ZRANB3: variants seen among roughly 807,000 people sequenced by gnomAD.
ZRANB3 encodes DNA annealing helicase and endonuclease ZRANB3.
In ZRANB3, 125 loss-of-function variants were observed where a neutral mutation model predicts 133.8. The ratio of observed to expected loss-of-function variants is 0.93; its 90% confidence interval spans 0.81 to 1.08. The LOEUF is 1.08. ZRANB3 is among the 50% of genes least tolerant of loss of function. The pLI is 0.00. For synonymous variants in ZRANB3, 387 were observed against 432.7 expected, an observed-to-expected ratio of 0.89 and a Z score of 1.31; for missense variants, 1,229 against 1,275.5, an observed-to-expected ratio of 0.96 and a Z score of 0.56.
chr2:135,530,638 G>A (rs1196774026), intron 1 of ZRANB3: 1 of 152,158 alleles, frequency 6.6e-6, no homozygotes, highest in Non-Finnish European at 1.5e-5. Flanking sequence ...GTTTAAATAC[G>A]TACTAATAAT....
At chr2:135,424,299 A>G (rs1407384338) in intron 2 of ZRANB3, among the ~76,000 whole-genome samples, 2 of 152,196 alleles carry the variant, frequency 1.3e-5, no homozygotes, top group African/African-American at 4.8e-5. Flanking sequence ...CAGAGCAAAA[A>G]GATGAGCTCA....
At chr2:135,202,585 T>C in intron 20 of ZRANB3, 1 of 343,192 alleles carries the variant, frequency 2.9e-6, no homozygotes, top group Non-Finnish European at 5.4e-6. Context: ...TAAACTGTAT[T>C]CATTTCTTTC....
At chr2:135,528,623 T>C (rs781165763) in intron 1 of ZRANB3, among the ~76,000 whole-genome samples, 7 of 152,074 alleles carry the variant, frequency 4.6e-5, no homozygotes, top group Non-Finnish European at 1.0e-4. Flanking sequence ...AGATTTACAC[T>C]GGAAGAACTC....
At chr2:135,327,007 A>G (rs1210809783) in intron 6 of ZRANB3, among the ~76,000 whole-genome samples, 1 of 152,044 alleles carries the variant, frequency 6.6e-6, no homozygotes, top group East Asian at 1.9e-4. Context: ...TCAAAATAAT[A>G]TGGAGTAGAA....
intron 2 of ZRANB3, among the ~76,000 whole-genome samples, chr2:135,491,553 G>A (rs1398648652): frequency 2.7e-5 from 4 of 150,306 alleles, no homozygotes; most frequent in African/African-American, 9.8e-5. Flanking sequence ...TCACTCTGTT[G>A]CCCAGGCTGG....
At chr2:135,320,168 G>A (rs978737289) in intron 6 of ZRANB3, among the ~76,000 whole-genome samples, 6 of 152,186 alleles carry the variant, frequency 3.9e-5, no homozygotes, top group African/African-American at 1.4e-4. Flanking sequence ...AGCGACCTGA[G>A]TAGCTGGGAC....
intron 2 of ZRANB3, among the ~76,000 whole-genome samples, chr2:135,411,382 G>T (rs1688295294): frequency 6.6e-6 from 1 of 152,090 alleles, no homozygotes; most frequent in Non-Finnish European, 1.5e-5. Context: ...ACTAAAAATA[G>T]AATTACCACT....
intron 2 of ZRANB3, among the ~76,000 whole-genome samples, chr2:135,442,801 G>A (rs1689837952): frequency 6.6e-6 from 1 of 152,120 alleles, no homozygotes; most frequent in Non-Finnish European, 1.5e-5. Context: ...CAACCCAAAT[G>A]TCCATCAATA....
intron 2 of ZRANB3, among the ~76,000 whole-genome samples, chr2:135,442,093 C>T (rs183955869): frequency 6.6e-5 from 10 of 152,110 alleles, no homozygotes; most frequent in East Asian, 1.9e-4. Context: ...ATAAAAACCC[C>T]AGAAGAAAAC....
chr2:135,207,898 T>G (rs1693946271), intron 18 of ZRANB3, 62 bp from the exon 19 acceptor site: 2 of 1,479,684 alleles, frequency 1.4e-6, no homozygotes, highest in Non-Finnish European at 1.8e-6. Context: ...TAGTAATTGC[T>G]TCATATAAAG....
chr2:135,235,351 G>C (rs1274047556), intron 12 of ZRANB3, among the ~76,000 whole-genome samples: 1 of 152,066 alleles, frequency 6.6e-6, no homozygotes, highest in Admixed American at 6.6e-5. Context: ...CAAATTCTAC[G>C]AGAGGTACAA....
At chr2:135,449,956 C>G (rs1690192106) in intron 2 of ZRANB3, among the ~76,000 whole-genome samples, 2 of 152,282 alleles carry the variant, frequency 1.3e-5, no homozygotes, top group African/African-American at 4.8e-5. Flanking sequence ...CAGGGTCTCA[C>G]TGTGTTGTCT....
chr2:135,270,691 T>C (rs1680471562), intron 10 of ZRANB3, among the ~76,000 whole-genome samples: 1 of 152,202 alleles, frequency 6.6e-6, no homozygotes, highest in Non-Finnish European at 1.5e-5. Context: ...TGGTTAGAAC[T>C]CCCAGAGAGT....
At chr2:135,321,930 C>G (rs999158210) in intron 6 of ZRANB3, among the ~76,000 whole-genome samples, 1 of 152,056 alleles carries the variant, frequency 6.6e-6, no homozygotes, top group African/African-American at 2.4e-5. Flanking sequence ...ATTTTAAGTT[C>G]TGATGAGGTG....
At chr2:135,446,493 T>G (rs1159818918) in intron 2 of ZRANB3, among the ~76,000 whole-genome samples, 1 of 152,094 alleles carries the variant, frequency 6.6e-6, no homozygotes, top group African/African-American at 2.4e-5. Flanking sequence ...TAGTGCAGTA[T>G]AGTATGACTG....
At chr2:135,273,047 G>T (rs918226287) in intron 9 of ZRANB3, among the ~76,000 whole-genome samples, 3 of 151,746 alleles carry the variant, frequency 2.0e-5, no homozygotes, top group African/African-American at 7.3e-5. Context: ...TTAGCTGGAC[G>T]TGGTGGCGGG....
intron 2 of ZRANB3, among the ~76,000 whole-genome samples, chr2:135,498,065 TAATAAATAAATA>T (rs146727358): frequency 6.4e-4 from 96 of 149,560 alleles, no homozygotes; most frequent in East Asian, 2.0e-3. Context: ...AAATAATAAA[TAATAAATAAATA>T]AATAAATAAA....
chr2:135,232,746 A>C (rs1695092831), intron 12 of ZRANB3, among the ~76,000 whole-genome samples: 1 of 152,234 alleles, frequency 6.6e-6, no homozygotes, highest in African/African-American at 2.4e-5. Flanking sequence ...GACTGTTAGA[A>C]GGAAAACTAA....
At chr2:135,491,881 AT>A (rs1692395223) in intron 2 of ZRANB3, among the ~76,000 whole-genome samples, 2 of 152,224 alleles carry the variant, frequency 1.3e-5, no homozygotes, top group Admixed American at 6.5e-5. Flanking sequence ...CATCAAAAAA[AT>A]AACCAATTGA....
Sources: allele counts gnomAD v4.1 joint callset (sites outside exome capture counted in the v4.1 genomes callset), GRCh38; gene constraint gnomAD v4.1.1; transcripts MANE v1.5; gene names NCBI Gene and HGNC (gene_info 2026-07-23, HGNC 2026-07-21).